KIFAP3: variants seen among roughly 807,000 people sequenced by gnomAD.
The protein encoded by KIFAP3 is kinesin-associated protein 3.
A neutral mutation model predicts 106.5 loss-of-function variants in KIFAP3; 68 were observed. The ratio of observed to expected loss-of-function variants is 0.64; its 90% CI spans 0.53 to 0.78. KIFAP3 has a LOEUF of 0.78. Ranked by LOEUF, KIFAP3 falls within the 30% of genes least tolerant of loss-of-function variation. The pLI is 0.00. For synonymous variants in KIFAP3, 320 were observed against 311.5 expected (o/e 1.03, Z -0.29); for missense variants, 780 against 941.8 (o/e 0.83, Z 2.25).
chr1:170,080,389 T>C (rs1029900382), intron 1 of KIFAP3, among the ~76,000 whole-genome samples: 2 of 151,350 alleles, frequency 1.3e-5, no homozygotes, highest in Non-Finnish European at 3.0e-5. Context: ...ATACTAGCAA[T>C]TTTTTTTTAC....
intron 1 of KIFAP3, among the ~76,000 whole-genome samples, chr1:170,058,252 T>TA (rs1281685923): frequency 2.6e-5 from 4 of 152,188 alleles, no homozygotes; most frequent in Non-Finnish European, 5.9e-5. Context: ...TAAGAACTTT[T>TA]AAAAAATTAT....
chr1:170,073,954 T>C (rs1475123626), intron 1 of KIFAP3, among the ~76,000 whole-genome samples: 1 of 152,142 alleles, frequency 6.6e-6, no homozygotes. Context: ...AATCAACATC[T>C]CAATTCAGCC....
chr1:170,026,432 A>G (rs1669106350), intron 8 of KIFAP3, among the ~76,000 whole-genome samples: 2 of 152,218 alleles, frequency 1.3e-5, no homozygotes, highest in South Asian at 4.1e-4. Flanking sequence ...TCCCTGAGAG[A>G]TAAGAAATAA....
intron 19 of KIFAP3, among the ~76,000 whole-genome samples, chr1:169,934,443 T>C (rs774393267): frequency 6.6e-6 from 1 of 152,178 alleles, no homozygotes; most frequent in Non-Finnish European, 1.5e-5. Context: ...TATTTGATAC[T>C]CAGTGAGTTT....
At chr1:170,019,242 T>C (rs1303844283) in intron 9 of KIFAP3, among the ~76,000 whole-genome samples, 1 of 152,130 alleles carries the variant, frequency 6.6e-6, no homozygotes, top group Non-Finnish European at 1.5e-5. Context: ...TGGTGAATTC[T>C]ATTAAACATT....
At chr1:170,062,391 TA>T (rs568350670) in intron 1 of KIFAP3, among the ~76,000 whole-genome samples, 3 of 151,564 alleles carry the variant, frequency 2.0e-5, no homozygotes, top group East Asian at 3.9e-4. Context: ...TTTCATTTTT[TA>T]AAAAAAACAG....
At chr1:170,026,117 C>T (rs1042181792) in intron 8 of KIFAP3, among the ~76,000 whole-genome samples, 10 of 152,108 alleles carry the variant, frequency 6.6e-5, no homozygotes, top group African/African-American at 2.4e-4. Flanking sequence ...AGCCAAGAAG[C>T]ACCAAGAATT....
intron 1 of KIFAP3, among the ~76,000 whole-genome samples, chr1:170,060,427 T>G (rs1671081933): frequency 6.6e-6 from 1 of 152,162 alleles, no homozygotes; most frequent in East Asian, 1.9e-4. Context: ...TCAAAGAGAA[T>G]AAAATACCTA....
At chr1:170,060,697 C>T (rs1316729161) in intron 1 of KIFAP3, among the ~76,000 whole-genome samples, 2 of 152,204 alleles carry the variant, frequency 1.3e-5, no homozygotes, top group Non-Finnish European at 2.9e-5. Flanking sequence ...CAGCCCGCAT[C>T]ACCAAGTCAA....
At chr1:170,048,300 GTTTT>G (rs11447201) in intron 2 of KIFAP3, among the ~76,000 whole-genome samples, 2 of 142,716 alleles carry the variant, frequency 1.4e-5, no homozygotes, top group African/African-American at 5.3e-5. Context: ...CCTTATTTGG[GTTTT>G]TTTTTTTTTG....
chr1:170,055,283 T>C, intron 2 of KIFAP3, 22 bp downstream of exon 2: 3 of 1,587,666 alleles, frequency 1.9e-6, no homozygotes, highest in Non-Finnish European at 1.7e-6. Flanking sequence ...ACTTTCAAAA[T>C]GTGCACAAAT....
At chr1:170,004,477 G>A (rs11590677) in intron 10 of KIFAP3, among the ~76,000 whole-genome samples, 123,065 of 150,844 alleles carry the variant, frequency 0.82, 50,321 homozygotes, top group African/African-American at 0.86. Context: ...CTACAGTAAC[G>A]AAAACAGCAT....
chr1:170,032,509 T>C (rs2102045676), intron 7 of KIFAP3, among the ~76,000 whole-genome samples: 1 of 151,754 alleles, frequency 6.6e-6, no homozygotes, highest in African/African-American at 2.4e-5. Flanking sequence ...AACTTAAAGG[T>C]AAACAAATTT....
At chr1:169,977,981 T>A in intron 16 of KIFAP3, 104 bp downstream of exon 16, 1 of 749,042 alleles carries the variant, frequency 1.3e-6, no homozygotes, top group Admixed American at 2.8e-5. Flanking sequence ...AAACTTAGTG[T>A]TTTCTACGTT....
intron 5 of KIFAP3, among the ~76,000 whole-genome samples, chr1:170,037,462 G>A (rs1669746499): frequency 6.6e-6 from 1 of 152,092 alleles, no homozygotes; most frequent in Non-Finnish European, 1.5e-5. Context: ...GCGCCTGGTG[G>A]CTCACACCTG....
intron 19 of KIFAP3, among the ~76,000 whole-genome samples, chr1:169,939,148 A>C (rs1571525117): frequency 6.6e-6 from 1 of 152,198 alleles, no homozygotes; most frequent in African/African-American, 2.4e-5. Flanking sequence ...GAAGTGCAGA[A>C]ACAGGAAAAT....
intron 7 of KIFAP3, among the ~76,000 whole-genome samples, chr1:170,033,017 T>C (rs560565136): frequency 6.6e-6 from 1 of 151,852 alleles, no homozygotes; most frequent in African/African-American, 2.4e-5. Context: ...GTTCCCTCCA[T>C]ACTTCTCCAG....
intron 16 of KIFAP3, among the ~76,000 whole-genome samples, chr1:169,977,629 G>A (rs1355385575): frequency 6.6e-6 from 1 of 152,128 alleles, no homozygotes; most frequent in Non-Finnish European, 1.5e-5. Flanking sequence ...TAGGTAGGTG[G>A]AAGGTATCCA....
At chr1:170,003,965 T>C (rs1422896440) in intron 10 of KIFAP3, among the ~76,000 whole-genome samples, 1 of 152,042 alleles carries the variant, frequency 6.6e-6, no homozygotes, top group Non-Finnish European at 1.5e-5. Context: ...AAAACCCCAT[T>C]GTCTCAGCCC....
Sources: allele counts gnomAD v4.1 joint callset (sites outside exome capture counted in the v4.1 genomes callset), GRCh38; gene constraint gnomAD v4.1.1; transcripts MANE v1.5; gene names NCBI Gene and HGNC (gene_info 2026-07-23, HGNC 2026-07-21).